Variants in MTMR10 observed in about 807,000 individuals in gnomAD.
The protein encoded by MTMR10 is myotubularin-related protein 10.
A neutral mutation model predicts 88.1 loss-of-function variants in MTMR10; 56 were observed. The observed-to-expected ratio is 0.64, with a 90% CI of 0.51 to 0.79. The LOEUF is 0.79. Ranked by LOEUF, MTMR10 falls within the 30% of genes least tolerant of loss-of-function variation. The pLI is 0.00. For synonymous variants in MTMR10, 380 were observed against 340.9 expected (o/e 1.11, Z -1.26); for missense variants, 883 against 924.7 (o/e 0.95, Z 0.58).
At chr15:30,976,595 G>A (rs1308940975) in intron 3 of MTMR10, among the ~76,000 whole-genome samples, 1 of 152,158 alleles carries the variant, frequency 6.6e-6, no homozygotes. Context: ...CGATCACAGA[G>A]GATAAATAAA....
chr15:30,958,918 GA>G lies in MTMR10; in HGVS notation c.879del (p.Val295CysfsTer23). 1 of 1,613,968 alleles carries G rather than the reference GA, an allele frequency of 6.2e-7. No individual in the cohort carries two copies. Among genetic ancestry groups the G allele is most frequent in the Non-Finnish European group, 8.5e-7 (1 of 1,179,866 alleles). The stretch of plus-strand genomic sequence containing the variant: ...TCTTTGATGAGGGCCATTCGCACAA[GA>G]GCACTGCCGTTAGAGTGGCTCCAGC... ...LWCWSHSNGS[A>X]LVRMALIKDV... On this transcript the variant is annotated frameshift_variant, in exon 9 of 16. Coordinates refer to ENST00000435680, the MANE Select transcript of MTMR10 (RefSeq NM_017762.3). LOFTEE classifies it high-confidence loss of function.
chr15:30,987,534 C>G (rs939495365), intron 2 of MTMR10, among the ~76,000 whole-genome samples: 1 of 152,170 alleles, frequency 6.6e-6, no homozygotes, highest in Non-Finnish European at 1.5e-5. Flanking sequence ...TGACAGCACA[C>G]AAATAAACAA....
At position 30,988,765 on chromosome 15, in the gene MTMR10, G is replaced by A. The variant is rs373356033; in HGVS notation, c.121+2012C>T. On this transcript the variant is annotated intron_variant, in intron 2 of 15. Coordinates refer to ENST00000435680, the MANE Select transcript of MTMR10 (RefSeq NM_017762.3). ...GCACTTTGGGAGGCCAAGGCGGGCG[G>A]ATCACCTGAGGGCAGGAGTTCAAGA... is the stretch of plus-strand genomic sequence containing the variant. 1.5e-3 allele frequency among the ~76,000 whole-genome samples: 232 copies of A among 152,246 alleles called. 1 individual carries two copies. In the Middle Eastern group the frequency reaches 0.017, roughly 11 times the overall value.
In MTMR10 at chr15:30,940,797, A is replaced by AAT; in HGVS notation, c.*671_*672dup. 2 of 986,048 alleles carry AAT rather than the reference A, an allele frequency of 2.0e-6. No individual in the cohort carries two copies. The highest frequency in any genetic ancestry group is 2.4e-6 in the Non-Finnish European group (2 of 830,730). 61.1% of individuals were successfully genotyped at this position (986,048 alleles called of 1,614,324 possible). A position where few individuals can be genotyped will look rare whatever the true frequency, so the allele number is the denominator to read the frequency against. On this transcript the variant is annotated 3_prime_UTR_variant, in exon 16 of 16. Coordinates refer to ENST00000435680, the MANE Select transcript of MTMR10 (RefSeq NM_017762.3). ...AAAGTGAAATTATATTTTCTTCTGTAATATTTGTATCCTAAAGTCAAAGGC... is the reference window on the plus strand; with the variant it reads ...AAAGTGAAATTATATTTTCTTCTGTAATATATTTGTATCCTAAAGTCAAAGGC...
intron 14 of MTMR10, among the ~76,000 whole-genome samples, chr15:30,944,967 G>T (rs1286426449): frequency 4.0e-5 from 6 of 149,528 alleles, no homozygotes; most frequent in Admixed American, 6.7e-5. Flanking sequence ...AGCTGATATT[G>T]TACCACTGTA....
chr15:30,919,877 A>G, the MTMR10 span, among the ~76,000 whole-genome samples: 1 of 152,168 alleles, frequency 6.6e-6, no homozygotes, highest in Non-Finnish European at 1.5e-5. Flanking sequence ...GAAAATCCAC[A>G]TATAAGTGGA....
In MTMR10 at chr15:30,946,891, C is replaced by A. The variant is rs542801203; in HGVS notation, c.1548+239G>T. On this transcript the variant is annotated intron_variant, in intron 14 of 15. Transcript: ENST00000435680. ...TTAAGGTGGTTAAAGTAATTTACAT[C>A]TTTAAAGGGGTTTACTACAAAACAT... 5 of 607,402 alleles carry A rather than the reference C, an allele frequency of 8.2e-6. No homozygotes were observed. In the East Asian group the frequency reaches 8.4e-5, roughly 10 times the overall value. 37.6% of individuals were successfully genotyped at this position (607,402 alleles called of 1,614,324 possible). A position where few individuals can be genotyped will look rare whatever the true frequency, so the allele number is the denominator to read the frequency against.
Position 30,954,830 on chromosome 15 carries a change from A to G in MTMR10, c.999T>C (p.Asp333=), listed in dbSNP as rs1175312529. ...QRSDVYKSDL[D]KTLPNIQEVQ... ...CTTCTTGAATATTAGGCAAGGTCTT[A>G]TCCAAATCTGATTTGTAAACATCAC... is the stretch of plus-strand genomic sequence containing the variant. The change falls in exon 10 of 16, where the codon GAT becomes GAC. Residue 333 remains aspartate (D), a synonymous_variant. Coordinates refer to ENST00000435680, the MANE Select transcript of MTMR10 (RefSeq NM_017762.3). 1.3e-6 allele frequency: 2 copies of G among 1,592,614 alleles called. No homozygotes were observed. Among genetic ancestry groups the G allele is most frequent in the African/African-American group, 2.7e-5 (2 of 74,558 alleles).
intron 2 of MTMR10, among the ~76,000 whole-genome samples, chr15:30,989,664 G>A (rs2031177849): frequency 6.6e-6 from 1 of 151,164 alleles, no homozygotes; most frequent in Non-Finnish European, 1.5e-5. Context: ...CTCACTGCAA[G>A]CTCCGCCTCC....
At chr15:30,929,490 G>T in the MTMR10 span, 4 of 839,842 alleles carry the variant, frequency 4.8e-6, no homozygotes, top group Non-Finnish European at 7.4e-6. Flanking sequence ...ACACATGTGT[G>T]TATATGTAAA....
rs201102163 is a variant in MTMR10 at position 30,941,883 on chromosome 15, G to C, written c.1921C>G (p.Leu641Val). 9.2e-5 allele frequency: 148 copies of C among 1,614,060 alleles called. No individual in the cohort carries two copies. In the African/African-American group the frequency reaches 1.8e-3, roughly 20 times the overall value. The change falls in exon 16 of 16, where the codon CTG becomes GTG. Residue 641 changes from leucine to valine, a missense_variant. Physicochemically the swap from Leu to Val is conservative, Grantham distance 32 (BLOSUM62 1). Transcript: ENST00000435680. ...FREWFSKPAN[L>V]HGVILPRVSG... ...ACACGTGGCAGAATAACACCGTGCAGGTTGGCGGGTTTGGAAAACCATTCT... is the reference window on the plus strand; with the variant it reads ...ACACGTGGCAGAATAACACCGTGCACGTTGGCGGGTTTGGAAAACCATTCT...
At chr15:30,952,116 A>G (rs2063256952) in intron 11 of MTMR10, 78 bp from the exon 12 acceptor site, 1 of 1,211,764 alleles carries the variant, frequency 8.3e-7, no homozygotes, top group African/African-American at 1.5e-5. Flanking sequence ...AATCAAGCAA[A>G]TCTAATTTCT....
At position 30,976,671 on chromosome 15, in the gene MTMR10, T is replaced by C. The variant is rs8033175; in HGVS notation, c.258+148A>G. The C allele has an allele frequency of 5.3e-3, 5,065 of 952,598 alleles. 178 individuals are homozygous for C. The African/African-American group carries it at 0.076, about 14-fold the overall frequency. The allele number at this position is 952,598 out of a possible 1,614,324, so 59.0% of individuals were successfully genotyped here. On this transcript the variant is annotated intron_variant, in intron 3 of 15. Transcript: ENST00000435680. ...AAGTTCCAACATTCTTCTTAAACTTTACTTTAAATCTTAATATAATTTATC... is the reference window on the plus strand; with the variant it reads ...AAGTTCCAACATTCTTCTTAAACTTCACTTTAAATCTTAATATAATTTATC...
At chr15:30,919,120 C>T in the MTMR10 span, among the ~76,000 whole-genome samples, 62,623 of 151,982 alleles carry the variant, frequency 0.41, 14,265 homozygotes, top group East Asian at 0.85. Flanking sequence ...GTGGCTCACG[C>T]CTGTAATCCC....
the MTMR10 span, among the ~76,000 whole-genome samples, chr15:30,924,150 T>G: frequency 2.6e-5 from 4 of 152,374 alleles, no homozygotes; most frequent in African/African-American, 9.6e-5. Flanking sequence ...TTTCTGAGCT[T>G]CACCCGCATC....
chr15:30,940,595 G>C lies in MTMR10; in HGVS notation c.*875C>G, dbSNP rs1469509204. On this transcript the variant is annotated 3_prime_UTR_variant, in exon 16 of 16. Transcript: ENST00000435680. ...AAGCCTTGTTTGTTTTTGAGGGCGA[G>C]TTTTGGCATAGATGGCACTCTCCTG... 1.0e-6 allele frequency: 1 copy of C among 985,280 alleles called. No homozygotes were observed. Among genetic ancestry groups the C allele is most frequent in the African/African-American group, 1.7e-5 (1 of 57,172 alleles). The allele number at this position is 985,280 out of a possible 1,614,324, so 61.0% of individuals were successfully genotyped here.
Position 30,941,134 on chromosome 15 carries a change from C to G in MTMR10, c.*336G>C. 7.8e-7 allele frequency: 1 copy of G among 1,282,952 alleles called. No homozygotes were observed. Among genetic ancestry groups the G allele is most frequent in the Middle Eastern group, 2.1e-4 (1 of 4,696 alleles). The allele number at this position is 1,282,952 out of a possible 1,614,324, so 79.5% of individuals were successfully genotyped here. On this transcript the variant is annotated 3_prime_UTR_variant, in exon 16 of 16. Transcript: ENST00000435680. ...TTCCTAACTTTCCTGTTGTCTGCTGCCTGGGGCTGCTAATGTGACTGACTA... is the reference window on the plus strand; with the variant it reads ...TTCCTAACTTTCCTGTTGTCTGCTGGCTGGGGCTGCTAATGTGACTGACTA...
the MTMR10 span, chr15:30,930,478 C>T: frequency 2.0e-6 from 3 of 1,532,936 alleles, no homozygotes; most frequent in South Asian, 3.9e-5. Context: ...TCTCGTGATC[C>T]CTGGAGCCTA....
intron 2 of MTMR10, among the ~76,000 whole-genome samples, chr15:30,987,855 C>G (rs2031046149): frequency 6.6e-6 from 1 of 151,882 alleles, no homozygotes; most frequent in Non-Finnish European, 1.5e-5. Flanking sequence ...TAATGCTCTC[C>G]CTTCCCTCAT....
Sources: gnomAD v4.1 joint callset for allele counts (sites outside exome capture counted in the v4.1 genomes callset) on GRCh38, gnomAD v4.1.1 for gene constraint, MANE v1.5 for transcripts, NCBI Gene and HGNC (gene_info 2026-07-23, HGNC 2026-07-21) for gene names.